The following RTCA variants were observed in gnomAD, a reference collection of about 807,000 sequenced individuals.
RTCA encodes RNA 3'-terminal phosphate cyclase.
Under a neutral mutation model 46.1 loss-of-function variants are expected in RTCA, and 37 were observed. The ratio of observed to expected loss-of-function variants is 0.80; its 90% CI spans 0.62 to 1.06. The LOEUF is 1.06. RTCA is among the 50% of genes least tolerant of loss of function. The pLI is 0.00. For missense variants in RTCA, 435 were observed against 455.5 expected (o/e 0.95, Z 0.41); for synonymous variants, 164 against 158.3 (o/e 1.04, Z -0.27).
In RTCA at chr1:100,270,449, G is replaced by A; in HGVS notation, c.291-108G>A. 3 of 1,340,186 alleles carry A rather than the reference G, an allele frequency of 2.2e-6. No homozygotes were observed. In the South Asian group the frequency reaches 4.4e-5, roughly 20 times the overall value. 83.0% of individuals were successfully genotyped at this position (1,340,186 alleles called of 1,614,324 possible). On this transcript the variant is annotated intron_variant, in intron 3 of 10. Transcript: ENST00000370128. Reference sequence around the variant, plus strand: ...ATGGCATATACCTGCCTTCACAGTTGTCTGTGCTTTAGTTGGTAGTGATGA... The same window carrying A: ...ATGGCATATACCTGCCTTCACAGTTATCTGTGCTTTAGTTGGTAGTGATGA...
intron 8 of RTCA, among the ~76,000 whole-genome samples, chr1:100,283,769 A>T (rs1445310615): frequency 2.0e-5 from 3 of 151,878 alleles, no homozygotes; most frequent in African/African-American, 4.8e-5. Context: ...AGGGTAATTT[A>T]TTATATTATT....
intron 10 of RTCA, among the ~76,000 whole-genome samples, chr1:100,290,844 A>G (rs1478599522): frequency 6.6e-6 from 1 of 152,192 alleles, no homozygotes; most frequent in Admixed American, 6.5e-5. Context: ...ACTAAGTGAA[A>G]AATGTGATGT....
chr1:100,267,760 G>A (rs999507792), intron 2 of RTCA, among the ~76,000 whole-genome samples: 3 of 151,870 alleles, frequency 2.0e-5, no homozygotes, highest in African/African-American at 4.8e-5. Context: ...TCTGAGATAC[G>A]GAGGGTTACA....
At chr1:100,281,581 A>G (rs1666710774) in intron 8 of RTCA, among the ~76,000 whole-genome samples, 1 of 152,184 alleles carries the variant, frequency 6.6e-6, no homozygotes, top group Non-Finnish European at 1.5e-5. Context: ...TGGGAGCAAA[A>G]TAATCTGCTG....
chr1:100,275,806 G>T, intron 7 of RTCA, 83 bp downstream of exon 7: 5 of 1,220,838 alleles, frequency 4.1e-6, no homozygotes, highest in Non-Finnish European at 5.7e-6. Flanking sequence ...AGGGTTTCTT[G>T]CTTAAGTTTA....
intron 8 of RTCA, among the ~76,000 whole-genome samples, chr1:100,277,861 A>G (rs370861178): frequency 1.0e-3 from 158 of 151,832 alleles, no homozygotes; most frequent in African/African-American, 3.1e-3. Flanking sequence ...TTAATACACA[A>G]TCCTCCCATT....
intron 3 of RTCA, among the ~76,000 whole-genome samples, chr1:100,270,169 G>A (rs1032622632): frequency 2.0e-5 from 3 of 151,844 alleles, no homozygotes; most frequent in Non-Finnish European, 4.4e-5. Context: ...TTCATAAACT[G>A]CTAGTTTCAA....
chr1:100,269,946 C>T (rs1665994184), intron 3 of RTCA, among the ~76,000 whole-genome samples: 2 of 152,188 alleles, frequency 1.3e-5, no homozygotes, highest in African/African-American at 2.4e-5. Context: ...GTTTGCTTTT[C>T]TGTTCCTATG....
At chr1:100,267,786 T>C (rs953115300) in intron 2 of RTCA, among the ~76,000 whole-genome samples, 1 of 152,172 alleles carries the variant, frequency 6.6e-6, no homozygotes, top group Non-Finnish European at 1.5e-5. Flanking sequence ...AGCATATTAA[T>C]TTAGGGGGAA....
intron 9 of RTCA, among the ~76,000 whole-genome samples, chr1:100,286,038 G>A (rs772092305): frequency 6.6e-6 from 1 of 152,088 alleles, no homozygotes; most frequent in Non-Finnish European, 1.5e-5. Flanking sequence ...CTTAAGTACC[G>A]TCTTTATGCT....
intron 10 of RTCA, among the ~76,000 whole-genome samples, chr1:100,290,756 A>G (rs890438593): frequency 1.3e-5 from 2 of 152,168 alleles, no homozygotes; most frequent in African/African-American, 4.8e-5. Context: ...ACAGAGCAAG[A>G]CTCTGTCTCA....
In RTCA at chr1:100,266,522, A is replaced by C. The variant is rs753184964; in HGVS notation, c.46-2A>C. 1 of 1,612,822 alleles carries C rather than the reference A, an allele frequency of 6.2e-7. No individual in the cohort carries two copies. The highest frequency in any genetic ancestry group is 8.5e-7 in the Non-Finnish European group (1 of 1,178,966). Reference sequence around the variant, plus strand: ...CTTCTCCCTGTACCCCAACCTTTGCAGGGCGGCCAGATCCTGAGAGTCTCT... The same window carrying C: ...CTTCTCCCTGTACCCCAACCTTTGCCGGGCGGCCAGATCCTGAGAGTCTCT... On this transcript the variant is annotated splice_acceptor_variant, in intron 1 of 10. Coordinates refer to ENST00000370128, the MANE Select transcript of RTCA (RefSeq NM_003729.4). LOFTEE classifies it high-confidence loss of function.
Position 100,287,193 on chromosome 1 carries a change from A to T in RTCA, c.989A>T (p.Gln330Leu). The T allele has an allele frequency of 6.4e-7, 1 of 1,570,900 alleles. No individual in the cohort carries two copies. The highest frequency in any genetic ancestry group is 1.2e-5 in the South Asian group (1 of 83,286). Residue 330 changes from glutamine to leucine, a missense_variant, in exon 10 of 11, where the codon CAA (glutamine) becomes CTA (leucine). Coordinates refer to ENST00000370128, the MANE Select transcript of RTCA (RefSeq NM_003729.4). ...HTQTAIHFAE[Q>L]IAKAKFIVKK... ...CAAACCGCGATACATTTTGCTGAAC[A>T]AATAGCAAAGGTGAGTATTCTATCA... is the stretch of plus-strand genomic sequence containing the variant.
intron 8 of RTCA, among the ~76,000 whole-genome samples, chr1:100,280,903 G>A (rs1034600191): frequency 3.3e-5 from 5 of 152,218 alleles, no homozygotes; most frequent in African/African-American, 9.6e-5. Flanking sequence ...TCTAAATGCT[G>A]AGGCAGGAGG....
At chr1:100,276,342 T>A (rs186394484) in intron 7 of RTCA, among the ~76,000 whole-genome samples, 1 of 152,298 alleles carries the variant, frequency 6.6e-6, no homozygotes, top group Non-Finnish European at 1.5e-5. Flanking sequence ...ATACGTCAAA[T>A]GTGAAATCAG....
At chr1:100,284,798 A>G (rs1666931974) in intron 8 of RTCA, among the ~76,000 whole-genome samples, 2 of 152,136 alleles carry the variant, frequency 1.3e-5, no homozygotes, top group African/African-American at 4.8e-5. Flanking sequence ...GCGTCTAGCT[A>G]TGTTGCCCAG....
intron 9 of RTCA, among the ~76,000 whole-genome samples, chr1:100,285,983 C>A (rs1667001277): frequency 6.6e-6 from 1 of 152,160 alleles, no homozygotes; most frequent in African/African-American, 2.4e-5. Context: ...TACTTGTTTT[C>A]TTTTTCTGTA....
chr1:100,268,091 A>T, intron 2 of RTCA, 61 bp from the exon 3 acceptor site: 1 of 1,576,500 alleles, frequency 6.3e-7, no homozygotes, highest in Non-Finnish European at 8.6e-7. Context: ...AATTTGTCAT[A>T]AAATGTGGGG....
intron 4 of RTCA, among the ~76,000 whole-genome samples, chr1:100,273,137 T>C (rs1047985427): frequency 1.3e-4 from 20 of 152,192 alleles, no homozygotes; most frequent in Non-Finnish European, 2.2e-4. Context: ...TAACCACTGA[T>C]ATCAAATATC....
Sources: gnomAD v4.1 joint callset for allele counts (sites outside exome capture counted in the v4.1 genomes callset) on GRCh38, gnomAD v4.1.1 for gene constraint, MANE v1.5 for transcripts, NCBI Gene and HGNC (gene_info 2026-07-23, HGNC 2026-07-21) for gene names.